The following ATAD2B variants were observed in gnomAD, a reference collection of about 807,000 sequenced individuals.
The protein encoded by ATAD2B is ATPase family AAA domain-containing protein 2B.
ATAD2B carries 40 observed loss-of-function variants against 167.6 expected under a neutral mutation model. The ratio of observed to expected loss-of-function variants is 0.24; its 90% CI spans 0.19 to 0.31. ATAD2B has a LOEUF of 0.31. ATAD2B is among the 10% of genes least tolerant of loss of function. The pLI, the probability that ATAD2B is intolerant of heterozygous loss-of-function variation, is 1.00. For synonymous variants in ATAD2B, 579 were observed against 596.5 expected (o/e 0.97, Z 0.43); for missense variants, 1,242 against 1,757.2 (o/e 0.71, Z 5.24).
At chr2:23,787,668 G>A (rs913122866) in intron 20 of ATAD2B, among the ~76,000 whole-genome samples, 6 of 151,906 alleles carry the variant, frequency 3.9e-5, no homozygotes, top group Non-Finnish European at 8.8e-5. Context: ...GAAAAATAAG[G>A]ACTTGGCAGG....
chr2:23,807,598 C>T (rs1229639480), intron 18 of ATAD2B, among the ~76,000 whole-genome samples: 1 of 151,798 alleles, frequency 6.6e-6, no homozygotes, highest in Non-Finnish European at 1.5e-5. Flanking sequence ...GGGCAGATCA[C>T]GAAGTCAGGA....
the ATAD2B span, among the ~76,000 whole-genome samples, chr2:23,716,438 ATTG>A: frequency 0.19 from 28,438 of 150,146 alleles, 2,795 homozygotes; most frequent in Middle Eastern, 0.29. Flanking sequence ...GGGACCTTTC[ATTG>A]TTGTTGTTGT....
chr2:23,775,134 G>C (rs1678886434), intron 22 of ATAD2B, among the ~76,000 whole-genome samples: 1 of 151,888 alleles, frequency 6.6e-6, no homozygotes, highest in Non-Finnish European at 1.5e-5. Context: ...ACTTACAACT[G>C]GAAGGAAATC....
intron 21 of ATAD2B, 43 bp downstream of exon 21, chr2:23,785,984 T>C: frequency 6.6e-7 from 1 of 1,507,298 alleles, no homozygotes. Context: ...TTTTTTCTTT[T>C]AGCCAGTTCA....
chr2:23,832,324 C>A (rs938752871), intron 14 of ATAD2B: 6 of 400,712 alleles, frequency 1.5e-5, no homozygotes, highest in African/African-American at 1.3e-4. Context: ...CAGACCCAGG[C>A]TTGAGAAGAA....
At chr2:23,883,434 T>TA (rs965606259) in intron 6 of ATAD2B, among the ~76,000 whole-genome samples, 16 of 152,138 alleles carry the variant, frequency 1.1e-4, no homozygotes, top group African/African-American at 3.6e-4. Context: ...TGTACCTAAA[T>TA]AAGTTATCTA....
intron 13 of ATAD2B, 28 bp from the exon 14 acceptor site, chr2:23,834,106 A>G (rs1689500165): frequency 6.9e-7 from 1 of 1,441,202 alleles, no homozygotes; most frequent in East Asian, 2.4e-5. Flanking sequence ...GGCAAAATTA[A>G]AAGAATTGTA....
chr2:23,771,495 T>TA (rs1250794888), intron 22 of ATAD2B, among the ~76,000 whole-genome samples: 16 of 152,314 alleles, frequency 1.1e-4, no homozygotes, highest in East Asian at 1.9e-4. Context: ...TTTGTTCCAG[T>TA]AAAAAAATTT....
intron 17 of ATAD2B, among the ~76,000 whole-genome samples, chr2:23,819,256 G>A (rs983283807): frequency 7.2e-5 from 11 of 152,056 alleles, no homozygotes; most frequent in African/African-American, 1.2e-4. Context: ...CCAGCACTTC[G>A]GGAGTCCAAA....
At chr2:23,698,486 C>T in the ATAD2B span, among the ~76,000 whole-genome samples, 6 of 151,988 alleles carry the variant, frequency 3.9e-5, no homozygotes, top group Non-Finnish European at 4.4e-5. Context: ...GGGACAGACA[C>T]GAGGGGGCTT....
chr2:23,697,594 G>A, the ATAD2B span: 2 of 152,206 alleles, frequency 1.3e-5, no homozygotes, highest in Admixed American at 6.5e-5. Context: ...TTGGACACTT[G>A]ACAAATGTTA....
At chr2:23,911,976 C>CAAAAAAAAAAAAAAAAAA (rs1160482347) in intron 1 of ATAD2B, among the ~76,000 whole-genome samples, 1 of 63,154 alleles carries the variant, frequency 1.6e-5, no homozygotes, top group Non-Finnish European at 3.1e-5. Flanking sequence ...GATTCCATCT[C>CAAAAAAAAAAAAAAAAAA]AAAAAAAAAA....
At position 23,849,263 on chromosome 2, in the gene ATAD2B, C is replaced by T. The variant is rs536129576; in HGVS notation, c.1568+8152G>A. On this transcript the variant is annotated intron_variant, in intron 13 of 27. Transcript: ENST00000238789. ...AAGCAAGTTAATGGCAAAAAATATA[C>T]CACACAAACAGCATGAAGTCTAGAA... Among the ~76,000 whole-genome samples the T allele has an allele frequency of 2.6e-5, 4 of 152,148 alleles. No individual in the cohort carries two copies. In the South Asian group the frequency reaches 6.2e-4, roughly 24 times the overall value.
rs1195470226 is a variant in ATAD2B, at chr2:23,888,249, G to C, written c.418+101C>G. On this transcript the variant is annotated intron_variant, in intron 3 of 27. Transcript: ENST00000238789. ...GAAATTCAGCCATTTCCAACTGTAT[G>C]CTCAGCACACTATTAAATCACTCTA... The C allele has an allele frequency of 5.9e-6, 5 of 851,480 alleles. No individual in the cohort carries two copies. In the African/African-American group the frequency reaches 8.8e-5, roughly 15 times the overall value. The allele number at this position is 851,480 out of a possible 1,614,324, so 52.7% of individuals were successfully genotyped here. A position where few individuals can be genotyped will look rare whatever the true frequency, so the allele number is the denominator to read the frequency against.
At chr2:23,765,117 T>C (rs1042225859) in intron 23 of ATAD2B, among the ~76,000 whole-genome samples, 8 of 152,204 alleles carry the variant, frequency 5.3e-5, no homozygotes, top group African/African-American at 1.9e-4. Context: ...AAATTGCATA[T>C]AAATTTCACT....
At chr2:23,713,225 G>A in the ATAD2B span, among the ~76,000 whole-genome samples, 2 of 152,222 alleles carry the variant, frequency 1.3e-5, no homozygotes, top group Admixed American at 1.3e-4. Flanking sequence ...CAGGACCCAT[G>A]AGCACTGTCT....
intron 27 of ATAD2B, among the ~76,000 whole-genome samples, chr2:23,752,619 A>C (rs957691118): frequency 6.6e-5 from 10 of 152,054 alleles, no homozygotes; most frequent in Non-Finnish European, 1.5e-4. Flanking sequence ...AAATAATTTG[A>C]CAGCTAACAG....
In ATAD2B at chr2:23,763,547, T is replaced by C. The variant is rs76686683; in HGVS notation, c.3257-1201A>G. On this transcript the variant is annotated intron_variant, in intron 23 of 27. Transcript: ENST00000238789. ...ATTTTATATAAAAGAAATCATACAA[T>C]ATGTAGTCTTCTGGGTCTGGCTATT... Among the ~76,000 whole-genome samples, 776 of 152,262 alleles carry C rather than the reference T, an allele frequency of 5.1e-3. 18 individuals are homozygous for C. Among genetic ancestry groups the C allele is most frequent in the East Asian group, 0.036 (187 of 5,176 alleles).
intron 25 of ATAD2B, among the ~76,000 whole-genome samples, chr2:23,757,126 C>G (rs1486237058): frequency 6.6e-6 from 1 of 152,096 alleles, no homozygotes; most frequent in Non-Finnish European, 1.5e-5. Context: ...TCATAAATCC[C>G]TGAGGCTAGG....
Sources: allele counts gnomAD v4.1 joint callset (sites outside exome capture counted in the v4.1 genomes callset), GRCh38; gene constraint gnomAD v4.1.1; transcripts MANE v1.5; gene names NCBI Gene and HGNC (gene_info 2026-07-23, HGNC 2026-07-21).